Variants in PTPRN2 observed in about 807,000 individuals in gnomAD.
PTPRN2 encodes receptor-type tyrosine-protein phosphatase N2.
Under a neutral mutation model 118.8 loss-of-function variants are expected in PTPRN2, and 74 were observed. That is an observed-to-expected ratio of 0.62 (90% CI 0.52 to 0.76). PTPRN2 has a LOEUF of 0.76. Ranked by LOEUF, PTPRN2 falls within the 30% of genes least tolerant of loss-of-function variation. PTPRN2 has a pLI of 0.00. For synonymous variants in PTPRN2, 641 were observed against 608.0 expected, an observed-to-expected ratio of 1.05 and a Z score of -0.80; for missense variants, 1,481 against 1,394.4, an observed-to-expected ratio of 1.06 and a Z score of -0.99.
rs1563026399 is a variant in PTPRN2 at position 157,711,936 on chromosome 7, TGGGGGGAGGGG to T, written c.1789-29010_1789-29000del. Among the ~76,000 whole-genome samples the T allele has an allele frequency of 2.2e-4, 21 of 94,730 alleles. 1 individual carries two copies. The highest frequency in any genetic ancestry group is 1.1e-3 in the South Asian group (3 of 2,654). 62.1% of individuals were successfully genotyped at this position (94,730 alleles called of 152,430 possible). ...TGGGGGGCCATGCAGGCCACATGAG[TGGGGGGAGGGG>T]CTGCGTGGTGGAAGGGGGGCCGGGC... On this transcript the variant is annotated intron_variant, in intron 12 of 22. Transcript: ENST00000389418.
At chr7:158,278,743 G>C (rs533355112) in intron 3 of PTPRN2, among the ~76,000 whole-genome samples, 1 of 152,170 alleles carries the variant, frequency 6.6e-6, no homozygotes, top group South Asian at 2.1e-4. Context: ...TCTTCCGGTG[G>C]GTTCATGGTC....
intron 11 of PTPRN2, chr7:158,028,135 TCC>T (rs2128880324): frequency 6.6e-6 from 1 of 152,344 alleles, no homozygotes; most frequent in East Asian, 1.9e-4. Context: ...AAGCTTTTTC[TCC>T]CCAGTGTCAC....
chr7:158,536,101 C>T (rs1825627446), intron 1 of PTPRN2, among the ~76,000 whole-genome samples: 1 of 151,614 alleles, frequency 6.6e-6, no homozygotes, highest in African/African-American at 2.4e-5. Context: ...TGGATGTTGG[C>T]GATGCAATGC....
chr7:158,104,562 G>A (rs1053294018), intron 10 of PTPRN2, among the ~76,000 whole-genome samples: 1 of 152,110 alleles, frequency 6.6e-6, no homozygotes, highest in Admixed American at 6.5e-5. Context: ...AGGACTGATG[G>A]AGGCCTTGTC....
chr7:158,056,353 T>C (rs906740499), intron 11 of PTPRN2, among the ~76,000 whole-genome samples: 3 of 152,182 alleles, frequency 2.0e-5, no homozygotes, highest in African/African-American at 7.2e-5. Flanking sequence ...TTGTTCTCTG[T>C]CCCCATGGGG....
Position 158,448,049 on chromosome 7 carries a change from G to A in PTPRN2, c.163+41686C>T, listed in dbSNP as rs189035730. 1.4e-4 allele frequency among the ~76,000 whole-genome samples: 21 copies of A among 152,352 alleles called. 1 individual carries two copies. Among genetic ancestry groups the A allele is most frequent in the Admixed American group, 1.2e-3 (18 of 15,308 alleles). On this transcript the variant is annotated intron_variant, in intron 2 of 22. Transcript: ENST00000389418. The stretch of plus-strand genomic sequence containing the variant: ...GCAGCAAGAGGGCCTCACTGCTGAG[G>A]GTGAAGCCAAGCCCAGCATGGCGTG...
At position 158,517,334 on chromosome 7, in the gene PTPRN2, C is replaced by T. The variant is rs369407265; in HGVS notation, c.113-27549G>A. Among the ~76,000 whole-genome samples the T allele has an allele frequency of 2.6e-5, 4 of 152,224 alleles. No individual in the cohort carries two copies. The highest frequency in any genetic ancestry group is 4.8e-5 in the African/African-American group (2 of 41,452). On this transcript the variant is annotated intron_variant, in intron 1 of 22. Coordinates refer to ENST00000389418, the MANE Select transcript of PTPRN2 (RefSeq NM_002847.5). The surrounding 1 kb of genome is among the most constrained non-coding windows in gnomAD (Gnocchi z 5.3). ...GCGCCCCCTCACAGAACCGCAGCAA[C>T]GACACCTATCACCGCCCACCACAGG...
At chr7:157,927,121 G>A (rs10230255) in intron 11 of PTPRN2, among the ~76,000 whole-genome samples, 5 of 124,620 alleles carry the variant, frequency 4.0e-5, no homozygotes, top group African/African-American at 6.2e-5. Context: ...GAGAACAGAG[G>A]CCTCGCATCT....
intron 5 of PTPRN2, among the ~76,000 whole-genome samples, chr7:158,169,692 A>G (rs1823364695): frequency 1.3e-5 from 2 of 151,384 alleles, no homozygotes; most frequent in Non-Finnish European, 2.9e-5. Flanking sequence ...ATTATCTCTA[A>G]GATTTTTTTT....
intron 3 of PTPRN2, among the ~76,000 whole-genome samples, chr7:158,262,525 C>T (rs1797511872): frequency 6.8e-6 from 1 of 147,178 alleles, no homozygotes; most frequent in Non-Finnish European, 1.5e-5. Context: ...CATTCACACA[C>T]TGCACACATA....
chr7:158,521,769 A>C (rs1408703610), intron 1 of PTPRN2, among the ~76,000 whole-genome samples: 4 of 93,256 alleles, frequency 4.3e-5, no homozygotes, highest in Admixed American at 2.0e-4. Flanking sequence ...CTCGGGAGGG[A>C]GGTCCACGTC....
At chr7:157,907,564 C>T (rs1477936223) in intron 11 of PTPRN2, among the ~76,000 whole-genome samples, 1 of 140,670 alleles carries the variant, frequency 7.1e-6, no homozygotes, top group Non-Finnish European at 1.5e-5. Context: ...CTCCCTGTCT[C>T]CTGTGTGTGA....
chr7:157,713,675 T>C (rs116440891), intron 12 of PTPRN2, among the ~76,000 whole-genome samples: 2,220 of 152,282 alleles, frequency 0.015, 43 homozygotes, highest in African/African-American at 0.05. Flanking sequence ...CCTGTAACCC[T>C]TTCTGAATGT....
intron 11 of PTPRN2, among the ~76,000 whole-genome samples, chr7:158,051,945 A>C (rs1206648392): frequency 6.6e-6 from 1 of 152,188 alleles, no homozygotes; most frequent in Non-Finnish European, 1.5e-5. Context: ...GGGAAAAGGT[A>C]GTGTTACTCA....
chr7:157,751,699 A>C (rs1254569090), intron 12 of PTPRN2, among the ~76,000 whole-genome samples: 4 of 152,068 alleles, frequency 2.6e-5, no homozygotes, highest in African/African-American at 9.7e-5. Context: ...GCCCGACATC[A>C]CTTGGAGAAC....
At chr7:158,471,717 AAAC>A (rs1819867706) in intron 2 of PTPRN2, among the ~76,000 whole-genome samples, 5 of 146,592 alleles carry the variant, frequency 3.4e-5, no homozygotes, top group Admixed American at 1.4e-4. Context: ...AACAAAAAAA[AAAC>A]CTTACTAACA....
intron 4 of PTPRN2, among the ~76,000 whole-genome samples, chr7:158,201,703 T>C (rs1826660680): frequency 6.6e-6 from 1 of 152,200 alleles, no homozygotes; most frequent in Non-Finnish European, 1.5e-5. Flanking sequence ...GTCTCCACAA[T>C]CCTTTATCTT....
Position 158,262,666 on chromosome 7 carries a change from A to G in PTPRN2, c.277+54153T>C, listed in dbSNP as rs926120225. The stretch of plus-strand genomic sequence containing the variant: ...TTCACTGCACACACTGACACACTGC[A>G]CGCACATTCACACATACACACATTC... On this transcript the variant is annotated intron_variant, in intron 3 of 22. Coordinates refer to ENST00000389418, the MANE Select transcript of PTPRN2 (RefSeq NM_002847.5). 6.8e-5 allele frequency among the ~76,000 whole-genome samples: 10 copies of G among 146,536 alleles called. No homozygotes were observed. In the East Asian group the frequency reaches 2.1e-3, roughly 30 times the overall value.
intron 11 of PTPRN2, among the ~76,000 whole-genome samples, chr7:157,959,358 G>T (rs565375496): frequency 6.6e-6 from 1 of 152,234 alleles, no homozygotes; most frequent in South Asian, 2.1e-4. Flanking sequence ...TAAACAAATT[G>T]CACTTTATTG....
Sources: gnomAD v4.1 joint callset for allele counts (sites outside exome capture counted in the v4.1 genomes callset) on GRCh38, gnomAD v4.1.1 for gene constraint, Gnocchi (gnomAD v3.1) non-coding constraint, MANE v1.5 for transcripts, NCBI Gene and HGNC (gene_info 2026-07-23, HGNC 2026-07-21) for gene names.